Variants in MACROD2 observed in about 807,000 individuals in gnomAD.
MACROD2 encodes ADP-ribose glycohydrolase MACROD2.
A neutral mutation model predicts 70.4 loss-of-function variants in MACROD2; 36 were observed. The observed-to-expected ratio is 0.51, with a 90% CI of 0.39 to 0.68. The LOEUF (loss-of-function observed/expected upper bound fraction) is 0.68. Among genes scored for constraint, MACROD2 ranks in the 30% least tolerant of loss-of-function variants. MACROD2 has a pLI of 0.00. For synonymous variants in MACROD2, 172 were observed against 178.8 expected, an observed-to-expected ratio of 0.96 and a Z score of 0.30; for missense variants, 496 against 538.4, an observed-to-expected ratio of 0.92 and a Z score of 0.78.
At chr20:14,741,305 A>T (rs978319654) in intron 5 of MACROD2, among the ~76,000 whole-genome samples, 28 of 152,270 alleles carry the variant, frequency 1.8e-4, no homozygotes, top group Middle Eastern at 3.4e-3. Context: ...GATTTCTAAA[A>T]ATTATTTTTA....
intron 4 of MACROD2, among the ~76,000 whole-genome samples, chr20:14,509,671 C>T (rs1267200520): frequency 1.3e-5 from 2 of 151,888 alleles, no homozygotes; most frequent in Non-Finnish European, 2.9e-5. Context: ...TCCTACTCCT[C>T]ACATTTATGT....
At chr20:14,995,402 G>A (rs2074940804) in intron 5 of MACROD2, among the ~76,000 whole-genome samples, 1 of 151,910 alleles carries the variant, frequency 6.6e-6, no homozygotes. Flanking sequence ...TGGGTCAGGT[G>A]CGGTGGCTCA....
At chr20:15,417,624 AG>A (rs2046173056) in intron 6 of MACROD2, among the ~76,000 whole-genome samples, 2 of 149,512 alleles carry the variant, frequency 1.3e-5, no homozygotes, top group Non-Finnish European at 1.5e-5. Context: ...AAAGAAAGAA[AG>A]AAAGAAAAGA....
At chr20:15,051,058 C>T (rs1444364019) in intron 5 of MACROD2, among the ~76,000 whole-genome samples, 2 of 151,954 alleles carry the variant, frequency 1.3e-5, no homozygotes, top group African/African-American at 4.8e-5. Flanking sequence ...TGGTAATTTT[C>T]TGGAGTCTAA....
intron 6 of MACROD2, among the ~76,000 whole-genome samples, chr20:15,397,491 G>A (rs1030688746): frequency 6.6e-6 from 1 of 151,950 alleles, no homozygotes; most frequent in Non-Finnish European, 1.5e-5. Context: ...TGAGAGACAG[G>A]TTTTCACCAA....
At chr20:14,927,536 TA>T (rs750203490) in intron 5 of MACROD2, among the ~76,000 whole-genome samples, 1 of 152,248 alleles carries the variant, frequency 6.6e-6, no homozygotes, top group Non-Finnish European at 1.5e-5. Flanking sequence ...TTCATGCAGC[TA>T]ATAGTTTGTG....
chr20:14,150,923 T>A (rs1023820751), intron 3 of MACROD2, among the ~76,000 whole-genome samples: 1 of 152,202 alleles, frequency 6.6e-6, no homozygotes, highest in African/African-American at 2.4e-5. Flanking sequence ...TAGTGATTCC[T>A]GCAAGTCAAC....
chr20:14,624,169 C>T (rs1292307152), intron 4 of MACROD2, among the ~76,000 whole-genome samples: 1 of 152,102 alleles, frequency 6.6e-6, no homozygotes. Flanking sequence ...TATGGGGATA[C>T]AGGGGTCTTC....
At chr20:14,768,593 A>G (rs988460556) in intron 5 of MACROD2, among the ~76,000 whole-genome samples, 5 of 152,004 alleles carry the variant, frequency 3.3e-5, no homozygotes, top group Admixed American at 2.6e-4. Flanking sequence ...CACTGGGATT[A>G]CAGGTATGAG....
intron 3 of MACROD2, among the ~76,000 whole-genome samples, chr20:14,194,279 A>G (rs916765476): frequency 2.0e-5 from 3 of 152,174 alleles, no homozygotes; most frequent in African/African-American, 7.2e-5. Context: ...CATTACTACA[A>G]CATGTAGCTG....
rs183279081 is a variant in MACROD2, at chr20:15,230,109, G to A, written c.540+48G>A. ...TTTCTCACTCTTTTTCAACCTTTAT[G>A]CTTTAGTAATCTGTCTTGTCTAAAG... On this transcript the variant is annotated intron_variant, in intron 6 of 17. Transcript: ENST00000684519. The A allele has an allele frequency of 4.0e-5, 62 of 1,568,672 alleles. No individual in the cohort carries two copies. The African/African-American group carries it at 7.0e-4, about 18-fold the overall frequency.
In MACROD2 at chr20:14,014,201, C is replaced by T. The variant is rs764721676; in HGVS notation, c.163+11797C>T. Among the ~76,000 whole-genome samples the T allele has an allele frequency of 1.9e-3, 295 of 152,146 alleles. 2 individuals are homozygous for T. Among genetic ancestry groups the T allele is most frequent in the Admixed American group, 3.9e-3 (60 of 15,280 alleles). On this transcript the variant is annotated intron_variant, in intron 2 of 17. Coordinates refer to ENST00000684519, the MANE Select transcript of MACROD2 (RefSeq NM_001351661.2). ...GTTACAGATTGGTGGTAGCCAGAGA[C>T]GACAACTTTTCCTTTCTTGCTCCCC...
chr20:15,709,021 A>T (rs980144073), intron 8 of MACROD2, among the ~76,000 whole-genome samples: 6 of 152,124 alleles, frequency 3.9e-5, no homozygotes, highest in African/African-American at 4.8e-5. Flanking sequence ...CTATCTCTAA[A>T]AATAATAATA....
chr20:14,672,785 A>G lies in MACROD2; in HGVS notation c.302-12058A>G, dbSNP rs2070810323. On this transcript the variant is annotated intron_variant, in intron 4 of 17. Transcript: ENST00000684519. ...GTGGACTCCAAATGTTCTTGATTGT[A>G]TAGTTCTCTCAGTACAAATATTTTG... is the stretch of plus-strand genomic sequence containing the variant. Among the ~76,000 whole-genome samples, 4 of 152,194 alleles carry G rather than the reference A, an allele frequency of 2.6e-5. No homozygotes were observed. In the South Asian group the frequency reaches 8.3e-4, roughly 31 times the overall value.
intron 8 of MACROD2, among the ~76,000 whole-genome samples, chr20:15,543,910 G>A (rs2047991652): frequency 6.6e-6 from 1 of 152,208 alleles, no homozygotes. Context: ...GATAGAGCAA[G>A]TCCCCAAAGC....
At chr20:15,991,056 C>CA (rs11482051) in intron 15 of MACROD2, among the ~76,000 whole-genome samples, 13,969 of 151,260 alleles carry the variant, frequency 0.092, 720 homozygotes, top group South Asian at 0.16. Context: ...CTAGGCCAGG[C>CA]AAAAAAAAAT....
At chr20:15,128,723 T>C (rs1034820617) in intron 5 of MACROD2, among the ~76,000 whole-genome samples, 3 of 152,080 alleles carry the variant, frequency 2.0e-5, no homozygotes, top group African/African-American at 7.2e-5. Flanking sequence ...TGATGATGCA[T>C]TTGAACTGTT....
chr20:14,988,647 C>A (rs1208002266), intron 5 of MACROD2, among the ~76,000 whole-genome samples: 10 of 152,150 alleles, frequency 6.6e-5, no homozygotes, highest in African/African-American at 2.4e-4. Flanking sequence ...TTTGCTATAT[C>A]TGAGAGGTTA....
At chr20:15,688,561 A>G (rs2050257557) in intron 8 of MACROD2, among the ~76,000 whole-genome samples, 1 of 152,212 alleles carries the variant, frequency 6.6e-6, no homozygotes, top group South Asian at 2.1e-4. Flanking sequence ...ATTGGCTTCA[A>G]TATGTGAAGA....
Sources: gnomAD v4.1 joint callset for allele counts (sites outside exome capture counted in the v4.1 genomes callset) on GRCh38, gnomAD v4.1.1 for gene constraint, MANE v1.5 for transcripts, NCBI Gene and HGNC (gene_info 2026-07-23, HGNC 2026-07-21) for gene names.